SESTD1: variants seen among roughly 807,000 people sequenced by gnomAD.
The protein encoded by SESTD1 is SEC14 domain and spectrin repeat-containing protein 1.
Under a neutral mutation model 101.7 loss-of-function variants are expected in SESTD1, and 43 were observed. The observed-to-expected ratio is 0.42, with a 90% CI of 0.33 to 0.55. The LOEUF (loss-of-function observed/expected upper bound fraction) is 0.55. Among genes scored for constraint, SESTD1 ranks in the 20% least tolerant of loss-of-function variants. The pLI is 0.07. For missense variants in SESTD1, 647 were observed against 815.1 expected (o/e 0.79, Z 2.51); for synonymous variants, 283 against 286.8 (o/e 0.99, Z 0.13).
In SESTD1 at chr2:179,172,215, C is replaced by G; in HGVS notation, c.274G>C (p.Val92Leu). ...VMLQNVVPAE[V>L]SLVCVVKPDE... Reference sequence around the variant, plus strand: ...GGCTTTACCACACAAACAAGGGACACCTCAGCTGGAACAACATTCTATAAA... The same window carrying G: ...GGCTTTACCACACAAACAAGGGACAGCTCAGCTGGAACAACATTCTATAAA... The change falls in exon 5 of 18, where the codon GTG (valine) becomes CTG (leucine). Residue 92 changes from valine to leucine, a missense_variant. Physicochemically the swap from Val to Leu is conservative, Grantham distance 32 (BLOSUM62 1). Coordinates refer to ENST00000428443, the MANE Select transcript of SESTD1 (RefSeq NM_178123.5). The G allele has an allele frequency of 6.2e-7, 1 of 1,602,578 alleles. No homozygotes were observed. Among genetic ancestry groups the G allele is most frequent in the Non-Finnish European group, 8.5e-7 (1 of 1,172,948 alleles).
intron 5 of SESTD1, among the ~76,000 whole-genome samples, chr2:179,152,836 G>A (rs2045556589): frequency 6.6e-6 from 1 of 152,040 alleles, no homozygotes; most frequent in African/African-American, 2.4e-5. Flanking sequence ...AGTGAATAAT[G>A]AGCTAAGTGA....
At chr2:179,117,029 A>G (rs975358003) in intron 14 of SESTD1, among the ~76,000 whole-genome samples, 3 of 152,244 alleles carry the variant, frequency 2.0e-5, no homozygotes, top group African/African-American at 4.8e-5. Context: ...TTTAAAATTA[A>G]TATCACATAA....
intron 5 of SESTD1, among the ~76,000 whole-genome samples, chr2:179,163,510 C>G (rs1034734190): frequency 2.0e-5 from 3 of 150,506 alleles, no homozygotes; most frequent in Non-Finnish European, 3.0e-5. Flanking sequence ...CCAAAGAAAT[C>G]TGAAATCTAA....
At chr2:179,192,390 C>A (rs1002249974) in intron 1 of SESTD1, among the ~76,000 whole-genome samples, 1 of 152,162 alleles carries the variant, frequency 6.6e-6, no homozygotes, top group Admixed American at 6.6e-5. Context: ...TCCCCTATAA[C>A]ACATGGTACC....
chr2:179,242,288 G>T (rs1399329586), intron 1 of SESTD1, among the ~76,000 whole-genome samples: 1 of 151,956 alleles, frequency 6.6e-6, no homozygotes, highest in Non-Finnish European at 1.5e-5. Flanking sequence ...CCTACAAAAA[G>T]AACTACAAAA....
chr2:179,202,349 T>G (rs1344822961), intron 1 of SESTD1, among the ~76,000 whole-genome samples: 3 of 134,230 alleles, frequency 2.2e-5, no homozygotes, highest in South Asian at 5.7e-4. Context: ...TTCCTCCAAT[T>G]CTAACTGTTA....
In SESTD1 at chr2:179,112,947, A is replaced by G. The variant is rs564236657; in HGVS notation, c.1840-102T>C. On this transcript the variant is annotated intron_variant, in intron 16 of 17. Coordinates refer to ENST00000428443, the MANE Select transcript of SESTD1 (RefSeq NM_178123.5). Reference sequence around the variant, plus strand: ...AAAAAAAAAGAGAGAAAAGAAAGACACAGAAATGGAATCAAGCTCATACAA... The same window carrying G: ...AAAAAAAAAGAGAGAAAAGAAAGACGCAGAAATGGAATCAAGCTCATACAA... The G allele has an allele frequency of 1.1e-5, 15 of 1,416,350 alleles. No homozygotes were observed. In the South Asian group the frequency reaches 1.5e-4, roughly 14 times the overall value. 87.7% of individuals were successfully genotyped at this position (1,416,350 alleles called of 1,614,324 possible). A position where few individuals can be genotyped will look rare whatever the true frequency, so the allele number is the denominator to read the frequency against.
intron 1 of SESTD1, among the ~76,000 whole-genome samples, chr2:179,260,085 G>A (rs891162206): frequency 3.9e-5 from 6 of 152,086 alleles, no homozygotes; most frequent in African/African-American, 1.4e-4. Context: ...TATAATAACT[G>A]TAGTAACAAA....
intron 1 of SESTD1, among the ~76,000 whole-genome samples, chr2:179,200,031 G>A (rs2046481103): frequency 6.6e-6 from 1 of 152,194 alleles, no homozygotes. Context: ...AAACCCCATT[G>A]TCTCAGCCCA....
intron 3 of SESTD1, among the ~76,000 whole-genome samples, chr2:179,181,506 CA>C (rs1383857971): frequency 6.6e-6 from 1 of 152,140 alleles, no homozygotes; most frequent in Non-Finnish European, 1.5e-5. Flanking sequence ...TTTTGCTTTT[CA>C]TTTGAACCTC....
rs1313778839 is a variant in SESTD1 at position 179,107,668 on chromosome 2, A to G, written c.*2231T>C. The G allele has an allele frequency of 6.6e-6, 1 of 152,184 alleles. No individual in the cohort carries two copies. Among genetic ancestry groups the G allele is most frequent in the Admixed American group, 6.5e-5 (1 of 15,280 alleles). 9.4% of individuals were successfully genotyped at this position (152,184 alleles called of 1,614,324 possible). Reference sequence around the variant, plus strand: ...AAAGTATGTTTAAAACATACTTCAGACTGCAATGTAACAGGGATTATTACT... The same window carrying G: ...AAAGTATGTTTAAAACATACTTCAGGCTGCAATGTAACAGGGATTATTACT... On this transcript the variant is annotated 3_prime_UTR_variant, in exon 18 of 18. Coordinates refer to ENST00000428443, the MANE Select transcript of SESTD1 (RefSeq NM_178123.5).
chr2:179,255,900 G>T (rs1173250031), intron 1 of SESTD1, among the ~76,000 whole-genome samples: 2 of 152,088 alleles, frequency 1.3e-5, no homozygotes, highest in Non-Finnish European at 2.9e-5. Context: ...ATTCTGAACT[G>T]ACTGAAATCT....
In SESTD1 at chr2:179,216,295, G is replaced by C. The variant is rs549411446; in HGVS notation, c.-25-24429C>G. ...ATAAGCAACTTCAGCAAAGTCTCAG[G>C]ATACAAAATCAATGTGCAAAACCAC... On this transcript the variant is annotated intron_variant, in intron 1 of 17. Transcript: ENST00000428443. Among the ~76,000 whole-genome samples, 50 of 135,276 alleles carry C rather than the reference G, an allele frequency of 3.7e-4. 9 individuals carry two copies. Among genetic ancestry groups the C allele is most frequent in the Admixed American group, 1.9e-3 (26 of 14,004 alleles). 88.7% of individuals were successfully genotyped at this position (135,276 alleles called of 152,430 possible). A position where few individuals can be genotyped will look rare whatever the true frequency, so the allele number is the denominator to read the frequency against.
At chr2:179,260,477 C>G (rs1449001820) in intron 1 of SESTD1, among the ~76,000 whole-genome samples, 2 of 152,030 alleles carry the variant, frequency 1.3e-5, no homozygotes, top group African/African-American at 4.8e-5. Flanking sequence ...GATCACACCA[C>G]TGCACTTCAG....
rs2046682558 is a variant in SESTD1 at position 179,213,800 on chromosome 2, G to A, written c.-25-21934C>T. Reference sequence around the variant, plus strand: ...GAATCTCCTGGCAGAAACCCTACAAGCCAGAAAAGAGTGGGGGACAATATT... The same window carrying A: ...GAATCTCCTGGCAGAAACCCTACAAACCAGAAAAGAGTGGGGGACAATATT... On this transcript the variant is annotated intron_variant, in intron 1 of 17. Coordinates refer to ENST00000428443, the MANE Select transcript of SESTD1 (RefSeq NM_178123.5). 2.2e-5 allele frequency among the ~76,000 whole-genome samples: 3 copies of A among 135,510 alleles called. 1 individual carries two copies. The highest frequency in any genetic ancestry group is 7.2e-5 in the Admixed American group (1 of 13,956). The allele number at this position is 135,510 out of a possible 152,430, so 88.9% of individuals were successfully genotyped here. A position where few individuals can be genotyped will look rare whatever the true frequency, so the allele number is the denominator to read the frequency against.
chr2:179,221,182 T>TC (rs2046809294), intron 1 of SESTD1, among the ~76,000 whole-genome samples: 1 of 152,096 alleles, frequency 6.6e-6, no homozygotes. Flanking sequence ...AAAATAGTTT[T>TC]TAAAAAAGGT....
At chr2:179,230,111 C>CTTTTTTTTTTTTTTTTT (rs1559153333) in intron 1 of SESTD1, among the ~76,000 whole-genome samples, 2 of 80,358 alleles carry the variant, frequency 2.5e-5, no homozygotes. Flanking sequence ...TGGATTGTAT[C>CTTTTTTTTTTTTTTTTT]TCTTTTTTTT....
chr2:179,144,759 T>G (rs2045357661), intron 8 of SESTD1, among the ~76,000 whole-genome samples: 1 of 152,082 alleles, frequency 6.6e-6, no homozygotes, highest in African/African-American at 2.4e-5. Flanking sequence ...CCTTTTTGTT[T>G]TATACTCTCT....
chr2:179,201,201 T>C (rs2046506512), intron 1 of SESTD1, among the ~76,000 whole-genome samples: 1 of 133,718 alleles, frequency 7.5e-6, no homozygotes, highest in Non-Finnish European at 1.6e-5. Flanking sequence ...ATCAGAGAAA[T>C]GCAAATCAAA....
Sources: allele counts gnomAD v4.1 joint callset (sites outside exome capture counted in the v4.1 genomes callset), GRCh38; gene constraint gnomAD v4.1.1; transcripts MANE v1.5; gene names NCBI Gene and HGNC (gene_info 2026-07-23, HGNC 2026-07-21).